The following KCNIP1 variants were observed in gnomAD, a reference collection of about 807,000 sequenced individuals.
KCNIP1 encodes potassium voltage-gated channel interacting protein 1.
KCNIP1 carries 18 observed loss-of-function variants against 33.0 expected under a neutral mutation model. That is an observed-to-expected ratio of 0.55 (90% CI 0.38 to 0.81). The LOEUF (loss-of-function observed/expected upper bound fraction) is 0.81. KCNIP1 is among the 30% of genes least tolerant of loss of function. The pLI is 0.00. For missense variants in KCNIP1, 238 were observed against 271.6 expected (o/e 0.88, Z 0.87); for synonymous variants, 93 against 98.3 (o/e 0.95, Z 0.32).
At chr5:170,730,717 TA>T (rs2113893194) in intron 5 of KCNIP1, among the ~76,000 whole-genome samples, 1 of 152,322 alleles carries the variant, frequency 6.6e-6, no homozygotes, top group South Asian at 2.1e-4. Context: ...CTTTGATTTC[TA>T]AATACCATTC....
chr5:170,486,372 A>C (rs1425609851), intron 1 of KCNIP1: 1 of 152,302 alleles, frequency 6.6e-6, no homozygotes, highest in East Asian at 1.9e-4. Flanking sequence ...TCCCAGCAGC[A>C]GCCGCAGACA....
At position 170,379,133 on chromosome 5, in the gene KCNIP1, T is replaced by C. The variant is rs1017521319; in HGVS notation, c.88+25169T>C. 2.0e-5 allele frequency among the ~76,000 whole-genome samples: 3 copies of C among 152,238 alleles called. No homozygotes were observed. In the East Asian group the frequency reaches 5.8e-4, roughly 29 times the overall value. ...TGGCAGGCCATGCGCTGTACAGGTCTGGAGAGCACGCTCTCATTTGTGTCT... is the reference window on the plus strand; with the variant it reads ...TGGCAGGCCATGCGCTGTACAGGTCCGGAGAGCACGCTCTCATTTGTGTCT... On this transcript the variant is annotated intron_variant, in intron 1 of 7. Transcript: ENST00000377360.
chr5:170,399,298 T>C (rs188518382), intron 1 of KCNIP1, among the ~76,000 whole-genome samples: 41 of 152,318 alleles, frequency 2.7e-4, no homozygotes, highest in African/African-American at 9.4e-4. Flanking sequence ...GGTGGTCAGC[T>C]TAGAATTTGG....
chr5:170,672,797 T>C (rs568769467), intron 1 of KCNIP1, among the ~76,000 whole-genome samples: 1 of 152,326 alleles, frequency 6.6e-6, no homozygotes, highest in Admixed American at 6.5e-5. Context: ...AAACAGGGTG[T>C]AGGAAGGCAA....
At chr5:170,709,019 T>C (rs574725076) in intron 1 of KCNIP1, among the ~76,000 whole-genome samples, 21 of 152,400 alleles carry the variant, frequency 1.4e-4, no homozygotes, top group African/African-American at 5.0e-4. Context: ...AAACAGTCTA[T>C]AACTTCAATT....
intron 1 of KCNIP1, among the ~76,000 whole-genome samples, chr5:170,564,547 T>G (rs1324274746): frequency 2.0e-5 from 3 of 152,252 alleles, no homozygotes; most frequent in African/African-American, 7.2e-5. Flanking sequence ...TTCCCCACCT[T>G]CCTGATCTAC....
At chr5:170,405,810 C>T (rs1259018911) in intron 1 of KCNIP1, among the ~76,000 whole-genome samples, 2 of 152,202 alleles carry the variant, frequency 1.3e-5, no homozygotes, top group African/African-American at 2.4e-5. Flanking sequence ...GGTGGTATCA[C>T]AGACGAGCTC....
At chr5:170,724,999 A>G (rs1227046827) in intron 5 of KCNIP1, among the ~76,000 whole-genome samples, 1 of 152,198 alleles carries the variant, frequency 6.6e-6, no homozygotes, top group Non-Finnish European at 1.5e-5. Context: ...AACATCTGAA[A>G]AAGAACAAAG....
At chr5:170,353,743 C>A (rs768227415) in exon 1 of KCNIP1, 21 of 758,352 alleles carry the variant, frequency 2.8e-5, no homozygotes, top group Non-Finnish European at 3.7e-5. Context: ...GTGCTGTTCC[C>A]GGAGCCTGGC....
chr5:170,455,822 A>T (rs1756358377), intron 1 of KCNIP1, among the ~76,000 whole-genome samples: 1 of 152,206 alleles, frequency 6.6e-6, no homozygotes, highest in African/African-American at 2.4e-5. Flanking sequence ...ATAGCTCCAC[A>T]TACCTACATT....
chr5:170,702,427 C>T (rs1252444551), intron 1 of KCNIP1, among the ~76,000 whole-genome samples: 1 of 152,072 alleles, frequency 6.6e-6, no homozygotes, highest in African/African-American at 2.4e-5. Context: ...AACTTGTTGC[C>T]CAGAGTGGAG....
At chr5:170,526,378 C>T (rs893242039) in intron 1 of KCNIP1, among the ~76,000 whole-genome samples, 3 of 152,194 alleles carry the variant, frequency 2.0e-5, no homozygotes, top group South Asian at 2.1e-4. Context: ...AAGGCATGTG[C>T]CTGGGGTGGA....
At chr5:170,625,967 C>G (rs1026863959) in intron 1 of KCNIP1, among the ~76,000 whole-genome samples, 5 of 152,156 alleles carry the variant, frequency 3.3e-5, no homozygotes, top group Admixed American at 1.3e-4. Context: ...TGGGAACAAC[C>G]TCACTGGGCT....
chr5:170,416,238 A>G (rs1047011637), intron 1 of KCNIP1, among the ~76,000 whole-genome samples: 4 of 151,934 alleles, frequency 2.6e-5, no homozygotes, highest in African/African-American at 7.3e-5. Flanking sequence ...GTGGCCCCCA[A>G]GTCATATCTC....
chr5:170,402,115 T>C (rs1754919660), intron 1 of KCNIP1, among the ~76,000 whole-genome samples: 1 of 152,204 alleles, frequency 6.6e-6, no homozygotes, highest in African/African-American at 2.4e-5. Context: ...CAGTGGCTTC[T>C]TCTCTCCTGT....
At chr5:170,456,163 C>A (rs1756368385) in intron 1 of KCNIP1, among the ~76,000 whole-genome samples, 1 of 152,140 alleles carries the variant, frequency 6.6e-6, no homozygotes, top group South Asian at 2.1e-4. Context: ...TTTGCAGGGA[C>A]ATAGATGAAG....
intron 1 of KCNIP1, among the ~76,000 whole-genome samples, chr5:170,673,689 T>C (rs1762009237): frequency 6.6e-6 from 1 of 152,154 alleles, no homozygotes; most frequent in African/African-American, 2.4e-5. Flanking sequence ...AAATATCTCT[T>C]ATATGGAAGG....
At chr5:170,439,724 C>T (rs141020926) in intron 1 of KCNIP1, among the ~76,000 whole-genome samples, 2 of 152,380 alleles carry the variant, frequency 1.3e-5, no homozygotes, top group Non-Finnish European at 2.9e-5. Flanking sequence ...GTCCCTAAGG[C>T]TTCCAGCAAC....
At chr5:170,679,944 T>C (rs531308518) in intron 1 of KCNIP1, among the ~76,000 whole-genome samples, 1 of 152,316 alleles carries the variant, frequency 6.6e-6, no homozygotes, top group African/African-American at 2.4e-5. Context: ...TTTGTGCGCA[T>C]ATGTAGGTAT....
Sources: allele counts gnomAD v4.1 joint callset (sites outside exome capture counted in the v4.1 genomes callset), GRCh38; gene constraint gnomAD v4.1.1; transcripts MANE v1.5; gene names NCBI Gene and HGNC (gene_info 2026-07-23, HGNC 2026-07-21).